Variants in RAP1GAP2 observed in about 807,000 individuals in gnomAD.
RAP1GAP2 encodes the protein RAP1 GTPase activating protein 2.
In RAP1GAP2, 27 loss-of-function variants were observed where a neutral mutation model predicts 95.0. The ratio of observed to expected loss-of-function variants is 0.28; its 90% CI spans 0.21 to 0.39. The LOEUF is 0.39. Ranked by LOEUF, RAP1GAP2 falls within the 10% of genes least tolerant of loss-of-function variation. The pLI, the probability that RAP1GAP2 is intolerant of heterozygous loss-of-function variation, is 1.00. For synonymous variants in RAP1GAP2, 373 were observed against 380.9 expected (o/e 0.98, Z 0.24); for missense variants, 771 against 970.0 (o/e 0.79, Z 2.72).
At position 2,809,440 on chromosome 17, in the gene RAP1GAP2, G is replaced by A. The variant is rs1001159124; in HGVS notation, c.80+8890G>A. Among the ~76,000 whole-genome samples the A allele has an allele frequency of 2.1e-4, 32 of 152,160 alleles. 1 individual carries two copies. Among genetic ancestry groups the A allele is most frequent in the African/African-American group, 7.7e-4 (32 of 41,444 alleles). ...TGAGTGTGAGGGTATGGGCAAGGAC[G>A]CCGGAGAGGAAAATGTGGACCGGGT... On this transcript the variant is annotated intron_variant, in intron 2 of 24. Transcript: ENST00000254695.
chr17:2,994,215 G>A (rs1209183783), intron 12 of RAP1GAP2, among the ~76,000 whole-genome samples: 1 of 152,136 alleles, frequency 6.6e-6, no homozygotes, highest in Admixed American at 6.6e-5. Flanking sequence ...TCTAGAACCC[G>A]GAGCTCCTGC....
At chr17:2,921,494 T>C (rs1350392661) in intron 3 of RAP1GAP2, among the ~76,000 whole-genome samples, 1 of 152,194 alleles carries the variant, frequency 6.6e-6, no homozygotes, top group Non-Finnish European at 1.5e-5. Flanking sequence ...TGAGCTACCA[T>C]GACCGGCCAG....
chr17:2,980,292 A>T lies in RAP1GAP2; in HGVS notation c.602A>T (p.Lys201Ile). 6.2e-7 allele frequency: 1 copy of T among 1,613,658 alleles called. No homozygotes were observed. ...IEYLRVILRS[K>I]LKTVHERIPL... ...TTTTCTCCCGTCTTGTGCAGGTCCA[A>T]ACTGAAGACGGTACATGAGCGGATC... Residue 201 changes from lysine to isoleucine, a missense_variant, in exon 9 of 25, where the codon AAA becomes ATA. Physicochemically the swap from Lys to Ile is moderately radical, Grantham distance 102. Transcript: ENST00000254695.
chr17:2,791,722 C>A (rs1044214037), upstream of RAP1GAP2, among the ~76,000 whole-genome samples: 2 of 152,172 alleles, frequency 1.3e-5, no homozygotes, highest in African/African-American at 4.8e-5. Flanking sequence ...GCTGCCCTGG[C>A]TCTCTTGTGC....
At chr17:2,779,764 G>A (rs1597291049) in intron 1 of RAP1GAP2, among the ~76,000 whole-genome samples, 1 of 142,952 alleles carries the variant, frequency 7.0e-6, no homozygotes, top group Admixed American at 7.2e-5. Flanking sequence ...ATGGGTCTGG[G>A]CCATAGTCAG....
intron 3 of RAP1GAP2, among the ~76,000 whole-genome samples, chr17:2,949,931 C>T (rs1382937675): frequency 1.3e-5 from 2 of 152,246 alleles, no homozygotes; most frequent in African/African-American, 4.8e-5. Flanking sequence ...ACTGTCCATG[C>T]AGGGATCATC....
intron 4 of RAP1GAP2, among the ~76,000 whole-genome samples, chr17:2,961,313 G>A (rs912330149): frequency 4.0e-5 from 6 of 150,764 alleles, no homozygotes; most frequent in Admixed American, 2.0e-4. Flanking sequence ...TCAGGAGTTC[G>A]AGACCAGCCT....
chr17:2,967,358 G>A (rs2044659682), intron 8 of RAP1GAP2, among the ~76,000 whole-genome samples: 1 of 152,016 alleles, frequency 6.6e-6, no homozygotes, highest in East Asian at 1.9e-4. Flanking sequence ...GCGACAGAGT[G>A]AGACTCTGTC....
At chr17:2,828,635 C>G (rs548207948) in intron 2 of RAP1GAP2, among the ~76,000 whole-genome samples, 1 of 152,048 alleles carries the variant, frequency 6.6e-6, no homozygotes, top group Non-Finnish European at 1.5e-5. Context: ...CAGGACTGCC[C>G]GGGCATGGCT....
rs149233278 is a variant in RAP1GAP2, at chr17:2,760,402, G to A, written c.50+4635G>A. On this transcript the variant is annotated intron_variant, in intron 1 of 25. Coordinates refer to the RAP1GAP2 transcript ENST00000637138. Reference sequence around the variant, plus strand: ...GTCGCCCAGGGTGGAGTGTAGTGGCGCAATCTCAGCTCACTGCAGCCTCTG... The same window carrying A: ...GTCGCCCAGGGTGGAGTGTAGTGGCACAATCTCAGCTCACTGCAGCCTCTG... Among the ~76,000 whole-genome samples, 368 of 150,300 alleles carry A rather than the reference G, an allele frequency of 2.4e-3. 3 individuals carry two copies. Among genetic ancestry groups the A allele is most frequent in the South Asian group, 0.01 (47 of 4,650 alleles).
intron 22 of RAP1GAP2, among the ~76,000 whole-genome samples, chr17:3,028,824 G>C (rs1400627739): frequency 6.6e-6 from 1 of 151,922 alleles, no homozygotes; most frequent in Non-Finnish European, 1.5e-5. Context: ...TTTTCGAGAT[G>C]GAGTCTCACT....
At chr17:2,922,836 T>TTTTTTTTTTTTTTTTTTTTTTA (rs2042831284) in intron 3 of RAP1GAP2, among the ~76,000 whole-genome samples, 1 of 150,374 alleles carries the variant, frequency 6.7e-6, no homozygotes, top group Non-Finnish European at 1.5e-5. Context: ...GTTTTTGTTT[T>TTTTTTTTTTTTTTTTTTTTTTA]TTTTTTTTTT....
intron 14 of RAP1GAP2, among the ~76,000 whole-genome samples, chr17:3,001,819 A>G (rs1255428034): frequency 6.6e-6 from 1 of 152,208 alleles, no homozygotes; most frequent in Non-Finnish European, 1.5e-5. Flanking sequence ...CTCTTTCCCA[A>G]TAGGAAATGC....
In RAP1GAP2 at chr17:2,963,725, A is replaced by G; in HGVS notation, c.280-131A>G. ...GGGGCTTGGAGGAGGGGTTCATGTC[A>G]CTGCCTTTGGCCTCAAGTACCAGTG... On this transcript the variant is annotated intron_variant, in intron 6 of 24. Coordinates refer to ENST00000254695, the MANE Select transcript of RAP1GAP2 (RefSeq NM_015085.5). This position sits in a 1 kb window ranked among gnomAD's most constrained non-coding sequence, Gnocchi z 4.8. 2 of 881,222 alleles carry G rather than the reference A, an allele frequency of 2.3e-6. No homozygotes were observed. The highest frequency in any genetic ancestry group is 3.4e-6 in the Non-Finnish European group (2 of 582,480). 54.6% of individuals were successfully genotyped at this position (881,222 alleles called of 1,614,324 possible). A position where few individuals can be genotyped will look rare whatever the true frequency, so the allele number is the denominator to read the frequency against.
intron 3 of RAP1GAP2, among the ~76,000 whole-genome samples, chr17:2,920,247 G>A (rs940475018): frequency 2.0e-5 from 3 of 152,136 alleles, no homozygotes; most frequent in South Asian, 2.1e-4. Context: ...CCCTTTTCTC[G>A]TCGTGCTCTC....
At chr17:2,981,354 G>T in intron 10 of RAP1GAP2, 106 bp downstream of exon 10, 4 of 1,057,716 alleles carry the variant, frequency 3.8e-6, no homozygotes, top group Non-Finnish European at 5.6e-6. Context: ...GTTTCGTGGG[G>T]TCTCCATAAT....
intron 3 of RAP1GAP2, among the ~76,000 whole-genome samples, chr17:2,919,961 A>G (rs2042698048): frequency 6.6e-6 from 1 of 151,146 alleles, no homozygotes; most frequent in Non-Finnish European, 1.5e-5. Context: ...TCGGCCTCCC[A>G]AAGTGCTGGG....
At chr17:2,973,536 G>A (rs1004502995) in intron 8 of RAP1GAP2, among the ~76,000 whole-genome samples, 11 of 152,212 alleles carry the variant, frequency 7.2e-5, no homozygotes, top group African/African-American at 2.6e-4. Flanking sequence ...AAGGAAAACA[G>A]TAAAATTGTT....
intron 14 of RAP1GAP2, among the ~76,000 whole-genome samples, chr17:2,999,426 A>C (rs1307776632): frequency 6.6e-6 from 1 of 152,182 alleles, no homozygotes; most frequent in Non-Finnish European, 1.5e-5. Flanking sequence ...CCATACCTTA[A>C]ATTCTCAAAG....
Sources: allele counts gnomAD v4.1 joint callset (sites outside exome capture counted in the v4.1 genomes callset), GRCh38; gene constraint gnomAD v4.1.1; non-coding constraint Gnocchi (gnomAD v3.1); transcripts MANE v1.5; gene names NCBI Gene and HGNC (gene_info 2026-07-23, HGNC 2026-07-21).